Variants in TBC1D4 observed in about 807,000 individuals in gnomAD.
TBC1D4 encodes TBC1 domain family member 4, also known as TBC (Tre-2, BUB2, CDC16) domain-containing protein.
In TBC1D4, 121 loss-of-function variants were observed where a neutral mutation model predicts 142.5. That is an observed-to-expected ratio of 0.85 (90% CI 0.73 to 0.99). The LOEUF is 0.99. Ranked by LOEUF, TBC1D4 falls within the 50% of genes least tolerant of loss-of-function variation. TBC1D4 has a pLI of 0.00. For synonymous variants in TBC1D4, 630 were observed against 628.2 expected, an observed-to-expected ratio of 1.00 and a Z score of -0.04; for missense variants, 1,475 against 1,606.6, an observed-to-expected ratio of 0.92 and a Z score of 1.40.
intron 1 of TBC1D4, among the ~76,000 whole-genome samples, chr13:75,422,289 A>C (rs1222671798): frequency 1.3e-5 from 2 of 152,168 alleles, no homozygotes; most frequent in Non-Finnish European, 2.9e-5. Context: ...AAATCAAAAT[A>C]ATTCAGGCCT....
At chr13:75,402,841 T>C (rs1885165601) in intron 1 of TBC1D4, among the ~76,000 whole-genome samples, 1 of 152,148 alleles carries the variant, frequency 6.6e-6, no homozygotes, top group South Asian at 2.1e-4. Flanking sequence ...TATCTAAAAA[T>C]AGACACTGCC....
chr13:75,440,933 G>T (rs2138197344), intron 1 of TBC1D4, among the ~76,000 whole-genome samples: 1 of 152,084 alleles, frequency 6.6e-6, no homozygotes, highest in South Asian at 2.1e-4. Flanking sequence ...TTTCAGGCTG[G>T]TGCTGTGCTA....
At chr13:75,305,674 C>G (rs1168445684) in intron 15 of TBC1D4, among the ~76,000 whole-genome samples, 1 of 152,190 alleles carries the variant, frequency 6.6e-6, no homozygotes, top group East Asian at 1.9e-4. Flanking sequence ...TTTACACCCA[C>G]AGTTTATGCA....
chr13:75,319,248 A>G (rs1288446731), intron 12 of TBC1D4, among the ~76,000 whole-genome samples: 1 of 152,206 alleles, frequency 6.6e-6, no homozygotes, highest in Non-Finnish European at 1.5e-5. Context: ...ACTTAATATT[A>G]TATTTTCACT....
chr13:75,372,378 T>C (rs1235440587), intron 1 of TBC1D4, among the ~76,000 whole-genome samples: 1 of 151,926 alleles, frequency 6.6e-6, no homozygotes, highest in Non-Finnish European at 1.5e-5. Context: ...CAAGTGATTC[T>C]CCTGCCTCAG....
At chr13:75,366,045 T>A in intron 1 of TBC1D4, among the ~76,000 whole-genome samples, 1 of 152,036 alleles carries the variant, frequency 6.6e-6, no homozygotes, top group South Asian at 2.1e-4. Flanking sequence ...TGACTCTAAA[T>A]GTTATAGAGC....
At chr13:75,451,342 A>T (rs1887522822) in intron 1 of TBC1D4, among the ~76,000 whole-genome samples, 1 of 152,032 alleles carries the variant, frequency 6.6e-6, no homozygotes, top group South Asian at 2.1e-4. Context: ...CAAATGCTGT[A>T]TTTAAGAGTC....
intron 8 of TBC1D4, among the ~76,000 whole-genome samples, chr13:75,332,525 C>T (rs1299510475): frequency 6.6e-6 from 1 of 152,156 alleles, no homozygotes; most frequent in African/African-American, 2.4e-5. Context: ...AAGAATTACA[C>T]GTGCCTTAAG....
At chr13:75,409,975 C>G (rs542357950) in intron 1 of TBC1D4, among the ~76,000 whole-genome samples, 1 of 152,266 alleles carries the variant, frequency 6.6e-6, no homozygotes, top group African/African-American at 2.4e-5. Flanking sequence ...ATTTCCCCAG[C>G]TTTCAGATTT....
At chr13:75,391,346 G>A (rs1015850381) in intron 1 of TBC1D4, among the ~76,000 whole-genome samples, 1 of 152,060 alleles carries the variant, frequency 6.6e-6, no homozygotes, top group Non-Finnish European at 1.5e-5. Flanking sequence ...TTTGCTATCT[G>A]TGATTTCTCT....
At chr13:75,466,867 C>T in intron 1 of TBC1D4, among the ~76,000 whole-genome samples, 1 of 149,308 alleles carries the variant, frequency 6.7e-6, no homozygotes, top group African/African-American at 2.5e-5. Context: ...GAGACTCTGT[C>T]TCAAAAAAAA....
intron 1 of TBC1D4, among the ~76,000 whole-genome samples, chr13:75,396,627 A>G (rs1352002727): frequency 2.0e-5 from 3 of 152,150 alleles, no homozygotes; most frequent in Non-Finnish European, 2.9e-5. Flanking sequence ...TTAAAACCCA[A>G]TAACTAATGT....
rs1304947308 is a variant in TBC1D4 at position 75,336,911 on chromosome 13, G to A, written c.1731+10C>T. 7 of 1,613,342 alleles carry A rather than the reference G, an allele frequency of 4.3e-6. No individual in the cohort carries two copies. The highest frequency in any genetic ancestry group is 3.3e-5 in the Admixed American group (2 of 59,990). On this transcript the variant is annotated intron_variant, in intron 8 of 20. Transcript: ENST00000377636. ...TATGCATACTTGAAAGACCATTGGTGCAATCTTACCCTTGAGAAGATATTT... is the reference window on the plus strand; with the variant it reads ...TATGCATACTTGAAAGACCATTGGTACAATCTTACCCTTGAGAAGATATTT...
At chr13:75,298,749 T>TCACA (rs71127530) in intron 17 of TBC1D4, among the ~76,000 whole-genome samples, 5 of 150,408 alleles carry the variant, frequency 3.3e-5, no homozygotes, top group Admixed American at 6.6e-5. Flanking sequence ...CAAGATTCCA[T>TCACA]CACACACACA....
chr13:75,346,170 T>A (rs1386898134), intron 5 of TBC1D4, among the ~76,000 whole-genome samples: 1 of 152,236 alleles, frequency 6.6e-6, no homozygotes, highest in Non-Finnish European at 1.5e-5. Context: ...TTGTTTTTTT[T>A]ATATACTAAG....
rs1207245276 is a variant in TBC1D4 at position 75,331,010 on chromosome 13, C to G, written c.1732-3184G>C. Among the ~76,000 whole-genome samples the G allele has an allele frequency of 3.3e-5, 5 of 152,230 alleles. No individual in the cohort carries two copies. In the East Asian group the frequency reaches 9.6e-4, roughly 29 times the overall value. ...CAAACCATTCCTATTACTAGAAAAA[C>G]AACTGAAATCACCTATTTTACTCAT... On this transcript the variant is annotated intron_variant, in intron 8 of 20. Coordinates refer to ENST00000377636, the MANE Select transcript of TBC1D4 (RefSeq NM_014832.5).
intron 19 of TBC1D4, among the ~76,000 whole-genome samples, chr13:75,290,786 T>C (rs775994211): frequency 2.6e-5 from 4 of 152,180 alleles, no homozygotes; most frequent in African/African-American, 9.6e-5. Flanking sequence ...AAAACTATAA[T>C]AGAATCTACT....
In TBC1D4 at chr13:75,462,580, T is replaced by C. The variant is rs115113597; in HGVS notation, c.498+18690A>G. 4.4e-3 allele frequency among the ~76,000 whole-genome samples: 674 copies of C among 151,618 alleles called. 11 individuals are homozygous for C. Among genetic ancestry groups the C allele is most frequent in the African/African-American group, 0.016 (656 of 41,320 alleles). On this transcript the variant is annotated intron_variant, in intron 1 of 20. Transcript: ENST00000377636. ...AAAGATTTGACAAAGCAGAGCTAAA[T>C]TGTACCCTCCCCTGCCCCCCATCCC... is the stretch of plus-strand genomic sequence containing the variant.
At position 75,312,901 on chromosome 13, in the gene TBC1D4, G is replaced by A; in HGVS notation, c.2223-3C>T. 6.2e-7 allele frequency: 1 copy of A among 1,614,106 alleles called. No homozygotes were observed. Among genetic ancestry groups the A allele is most frequent in the Non-Finnish European group, 8.5e-7 (1 of 1,180,022 alleles). On this transcript the variant is annotated splice_polypyrimidine_tract_variant and splice_region_variant and intron_variant, in intron 12 of 20. Transcript: ENST00000377636. ...TCCTTTTTCTCCCTTCTCCATCACT[G>A]TTGAAAGCAAATAAACATATCACTT...
Sources: allele counts gnomAD v4.1 joint callset (sites outside exome capture counted in the v4.1 genomes callset), GRCh38; gene constraint gnomAD v4.1.1; transcripts MANE v1.5; gene names NCBI Gene and HGNC (gene_info 2026-07-23, HGNC 2026-07-21).